SNTG2: variants seen among roughly 807,000 people sequenced by gnomAD.
SNTG2 encodes gamma-2-syntrophin.
A neutral mutation model predicts 70.9 loss-of-function variants in SNTG2; 74 were observed. That is an observed-to-expected ratio of 1.04 (90% CI 0.86 to 1.27). The LOEUF (loss-of-function observed/expected upper bound fraction) is 1.27. Among genes scored for constraint, SNTG2 ranks in the 50% most tolerant of loss-of-function variants. The pLI is 0.00. For synonymous variants in SNTG2, 278 were observed against 273.8 expected, an observed-to-expected ratio of 1.02 and a Z score of -0.15; for missense variants, 717 against 690.7, an observed-to-expected ratio of 1.04 and a Z score of -0.43.
intron 4 of SNTG2, among the ~76,000 whole-genome samples, chr2:1,116,946 G>C (rs1667045558): frequency 7.9e-6 from 1 of 126,738 alleles, no homozygotes; most frequent in Non-Finnish European, 1.6e-5. Context: ...GGGTGCCCTG[G>C]CGTGTGGGTG....
intron 1 of SNTG2, among the ~76,000 whole-genome samples, chr2:977,982 T>C (rs1479331267): frequency 1.3e-5 from 2 of 152,250 alleles, no homozygotes; most frequent in Non-Finnish European, 2.9e-5. Flanking sequence ...AGCCTACGTA[T>C]TGATTTCATG....
intron 1 of SNTG2, among the ~76,000 whole-genome samples, chr2:1,016,902 T>C (rs1659912219): frequency 6.6e-6 from 1 of 152,070 alleles, no homozygotes; most frequent in Non-Finnish European, 1.5e-5. Flanking sequence ...CAGATCATGG[T>C]GGGTGGTCTC....
At chr2:987,470 G>A (rs115598917) in intron 1 of SNTG2, among the ~76,000 whole-genome samples, 1,974 of 152,092 alleles carry the variant, frequency 0.013, 44 homozygotes, top group African/African-American at 0.045. Context: ...TACAGTAGGG[G>A]CAGGATTGTC....
chr2:982,221 A>AT (rs879570012), intron 1 of SNTG2, among the ~76,000 whole-genome samples: 6 of 152,044 alleles, frequency 3.9e-5, no homozygotes, highest in Non-Finnish European at 8.8e-5. Context: ...CTTGAGTTTT[A>AT]TTTTTTTTAA....
At chr2:1,366,568 G>A (rs940658518) in intron 16 of SNTG2, among the ~76,000 whole-genome samples, 2 of 152,148 alleles carry the variant, frequency 1.3e-5, no homozygotes, top group African/African-American at 2.4e-5. Context: ...GGAGGGGGTA[G>A]GGGTATAACC....
rs1235373941 is a variant in SNTG2, at chr2:1,213,169, TAAATC to T, written c.719+3942_719+3946del. ...ATACATGTTTGCATTATGGAATAAT[TAAATC>T]AAGCTACTTGGCATGTCAGTAACAT... On this transcript the variant is annotated intron_variant, in intron 9 of 16. Coordinates refer to ENST00000308624, the MANE Select transcript of SNTG2 (RefSeq NM_018968.4). 1.4e-4 allele frequency among the ~76,000 whole-genome samples: 22 copies of T among 152,288 alleles called. No homozygotes were observed. The East Asian group carries it at 4.0e-3, about 28-fold the overall frequency.
chr2:1,207,242 C>G (rs1673689911), intron 8 of SNTG2, among the ~76,000 whole-genome samples: 1 of 152,152 alleles, frequency 6.6e-6, no homozygotes, highest in South Asian at 2.1e-4. Flanking sequence ...AATCTCTTAC[C>G]AGAAGTTAGA....
chr2:1,038,436 T>G (rs1284142079), intron 1 of SNTG2, among the ~76,000 whole-genome samples: 5 of 152,220 alleles, frequency 3.3e-5, no homozygotes, highest in African/African-American at 1.2e-4. Flanking sequence ...CAGTGACTTC[T>G]CAAAGTATTG....
chr2:1,293,525 C>T (rs1379318175), intron 14 of SNTG2, among the ~76,000 whole-genome samples: 2 of 151,672 alleles, frequency 1.3e-5, no homozygotes, highest in African/African-American at 4.9e-5. Context: ...CCTAGTTTTA[C>T]TGTGTTGTGT....
chr2:1,114,442 C>A (rs1349683020), intron 4 of SNTG2, among the ~76,000 whole-genome samples: 1 of 151,938 alleles, frequency 6.6e-6, no homozygotes, highest in African/African-American at 2.4e-5. Context: ...CCTTACAGTC[C>A]TTTAAGGAGG....
chr2:1,246,622 T>C (rs1184848694), intron 11 of SNTG2, among the ~76,000 whole-genome samples: 3 of 152,242 alleles, frequency 2.0e-5, no homozygotes, highest in South Asian at 2.1e-4. Context: ...TAGGTTTTCC[T>C]TGAAATAGAA....
rs115925836 is a variant in SNTG2 at position 965,046 on chromosome 2, A to C, written c.72+13978A>C. ...TCCTTTTCCTGCACCCCCAATCTTC[A>C]TCCTTGGCCCTGAATCCTCCTTAGT... On this transcript the variant is annotated intron_variant, in intron 1 of 16. Coordinates refer to ENST00000308624, the MANE Select transcript of SNTG2 (RefSeq NM_018968.4). Among the ~76,000 whole-genome samples, 1,156 of 149,608 alleles carry C rather than the reference A, an allele frequency of 7.7e-3. 11 individuals carry two copies. Among genetic ancestry groups the C allele is most frequent in the Middle Eastern group, 0.014 (4 of 278 alleles).
At chr2:1,237,349 G>A (rs925391969) in intron 9 of SNTG2, among the ~76,000 whole-genome samples, 2 of 152,188 alleles carry the variant, frequency 1.3e-5, no homozygotes, top group East Asian at 3.9e-4. Context: ...TGCATGACAG[G>A]GAAGAACTAC....
intron 1 of SNTG2, among the ~76,000 whole-genome samples, chr2:978,326 G>A (rs1660982323): frequency 6.6e-6 from 1 of 152,068 alleles, no homozygotes; most frequent in Non-Finnish European, 1.5e-5. Context: ...AGTGATTCAG[G>A]CATTATTCAA....
Position 1,060,265 on chromosome 2 carries a change from T to A in SNTG2, c.73-23253T>A, listed in dbSNP as rs1456739809. On this transcript the variant is annotated intron_variant, in intron 1 of 16. Transcript: ENST00000308624. ...TACACAGAGGAAACCAAAGGTTCAC[T>A]TTCAAGAAATGAAATAACGATACCA... 2.0e-5 allele frequency among the ~76,000 whole-genome samples: 3 copies of A among 152,228 alleles called. No individual in the cohort carries two copies. The East Asian group carries it at 5.8e-4, about 29-fold the overall frequency.
chr2:1,190,278 G>A (rs1023086358), intron 8 of SNTG2, among the ~76,000 whole-genome samples: 16 of 151,568 alleles, frequency 1.1e-4, no homozygotes, highest in African/African-American at 2.9e-4. Flanking sequence ...ACTTGCCCAC[G>A]TTCTCCCATA....
chr2:1,020,585 CCA>C (rs201868282), intron 1 of SNTG2, among the ~76,000 whole-genome samples: 120,552 of 151,658 alleles, frequency 0.79, 48,596 homozygotes, highest in African/African-American at 0.84. Flanking sequence ...TAAAAAAATT[CCA>C]ACAGAAAAGT....
At chr2:1,100,174 C>T (rs1290394640) in intron 4 of SNTG2, among the ~76,000 whole-genome samples, 1 of 150,752 alleles carries the variant, frequency 6.6e-6, no homozygotes, top group African/African-American at 2.4e-5. Context: ...TTGGTTTCTT[C>T]CCCCACCCCA....
At chr2:1,189,590 G>A (rs1002328306) in intron 8 of SNTG2, among the ~76,000 whole-genome samples, 4 of 150,156 alleles carry the variant, frequency 2.7e-5, no homozygotes, top group Admixed American at 6.7e-5. Context: ...ATGGAGTCTC[G>A]CTCTGTTGCC....
Sources: allele counts gnomAD v4.1 joint callset (sites outside exome capture counted in the v4.1 genomes callset), GRCh38; gene constraint gnomAD v4.1.1; transcripts MANE v1.5; gene names NCBI Gene and HGNC (gene_info 2026-07-23, HGNC 2026-07-21).